Variants in SLC13A1 observed in about 807,000 individuals in gnomAD.
The protein encoded by SLC13A1 is solute carrier family 13 member 1.
A neutral mutation model predicts 70.0 loss-of-function variants in SLC13A1; 65 were observed. That is an observed-to-expected ratio of 0.93 (90% CI 0.76 to 1.14). The LOEUF (loss-of-function observed/expected upper bound fraction) is 1.14, where lower values mean the gene tolerates loss of function less well. SLC13A1 is among the 50% of genes most tolerant of loss of function. The probability of loss-of-function intolerance (pLI) is 0.00; values close to 1 mark genes in which losing one functional copy is unlikely to be tolerated. For missense variants in SLC13A1, 726 were observed against 717.8 expected, an observed-to-expected ratio of 1.01 and a Z score of -0.13; for synonymous variants, 275 against 250.5, an observed-to-expected ratio of 1.10 and a Z score of -0.92.
rs569940809 is a variant in SLC13A1 at position 123,120,235 on chromosome 7, G to GC, written c.1351-994dup. Among the ~76,000 whole-genome samples the GC allele has an allele frequency of 1.1e-4, 17 of 152,082 alleles. No homozygotes were observed. The East Asian group carries it at 3.3e-3, about 29-fold the overall frequency. ...GAATCATTTTTTAATCTACTCTTTT[G>GC]CATTGGGGGAGCACTTCCTTCTATA... On this transcript the variant is annotated intron_variant, in intron 12 of 14. Coordinates refer to ENST00000194130, the MANE Select transcript of SLC13A1 (RefSeq NM_022444.4).
rs1212111996 is a variant in SLC13A1, at chr7:123,182,380, G to T, written c.100-1279C>A. Reference sequence around the variant, plus strand: ...GAACCTAGGTTGCAGAGATAAAATGGACCACTTTTAATCTTGCTCTCTAGT... The same window carrying T: ...GAACCTAGGTTGCAGAGATAAAATGTACCACTTTTAATCTTGCTCTCTAGT... On this transcript the variant is annotated intron_variant, in intron 1 of 14. Coordinates refer to ENST00000194130, the MANE Select transcript of SLC13A1 (RefSeq NM_022444.4). Among the ~76,000 whole-genome samples the T allele has an allele frequency of 2.0e-5, 3 of 152,016 alleles. No individual in the cohort carries two copies. The East Asian group carries it at 5.8e-4, about 29-fold the overall frequency.
At chr7:123,175,929 T>C (rs190069616) in intron 2 of SLC13A1, among the ~76,000 whole-genome samples, 1 of 152,338 alleles carries the variant, frequency 6.6e-6, no homozygotes, top group East Asian at 1.9e-4. Flanking sequence ...AGTTAGCATA[T>C]TGTAGAGGGC....
chr7:123,148,732 C>T (rs1794451717), intron 6 of SLC13A1, among the ~76,000 whole-genome samples: 1 of 152,100 alleles, frequency 6.6e-6, no homozygotes, highest in Non-Finnish European at 1.5e-5. Context: ...TAAGCATTCT[C>T]TTATCCCCTA....
chr7:123,139,805 T>A (rs2116371229), intron 7 of SLC13A1, among the ~76,000 whole-genome samples: 1 of 152,178 alleles, frequency 6.6e-6, no homozygotes, highest in Non-Finnish European at 1.5e-5. Context: ...GTTCTAACAG[T>A]TTTTTGGTGG....
At chr7:123,122,046 G>T (rs1793398438) in intron 12 of SLC13A1, among the ~76,000 whole-genome samples, 2 of 152,050 alleles carry the variant, frequency 1.3e-5, no homozygotes, top group African/African-American at 4.8e-5. Flanking sequence ...AGAGAACCTT[G>T]TGCATCAGGC....
At chr7:123,170,846 TG>T (rs1464874761) in intron 3 of SLC13A1, among the ~76,000 whole-genome samples, 4 of 152,054 alleles carry the variant, frequency 2.6e-5, no homozygotes, top group Admixed American at 2.6e-4. Context: ...CCTAAAGTGC[TG>T]GGACTACAGG....
intron 4 of SLC13A1, 37 bp from the exon 5 acceptor site, chr7:123,168,598 A>G: frequency 6.7e-7 from 1 of 1,493,534 alleles, no homozygotes; most frequent in Non-Finnish European, 9.3e-7. Flanking sequence ...CAATTTAAAT[A>G]AGGGATTATC....
At chr7:123,122,228 G>A (rs752206015) in intron 12 of SLC13A1, among the ~76,000 whole-genome samples, 1 of 152,142 alleles carries the variant, frequency 6.6e-6, no homozygotes, top group Non-Finnish European at 1.5e-5. Context: ...AAGAAGAGAA[G>A]AGACAGTGAT....
At chr7:123,181,244 C>A in intron 1 of SLC13A1, 143 bp from the exon 2 acceptor site, 1 of 739,382 alleles carries the variant, frequency 1.4e-6, no homozygotes. Flanking sequence ...GAGTTGCCCT[C>A]AAATACTCAT....
At chr7:123,116,788 C>T (rs1232255454) in intron 14 of SLC13A1, among the ~76,000 whole-genome samples, 1 of 152,102 alleles carries the variant, frequency 6.6e-6, no homozygotes, top group Non-Finnish European at 1.5e-5. Context: ...GCATAGGAAG[C>T]TCACTAAATT....
Position 123,180,835 on chromosome 7 carries a change from G to A in SLC13A1, c.228+138C>T, listed in dbSNP as rs28364183. Reference sequence around the variant, plus strand: ...GACACACATGCAGAATGCCAGAGAGGAGAAACAGTTGGAAGTTTGGGGGAC... The same window carrying A: ...GACACACATGCAGAATGCCAGAGAGAAGAAACAGTTGGAAGTTTGGGGGAC... On this transcript the variant is annotated intron_variant, in intron 2 of 14. Transcript: ENST00000194130. 1,152 of 803,528 alleles carry A rather than the reference G, an allele frequency of 1.4e-3. 15 individuals are homozygous for A. The Admixed American group carries it at 0.015, about 10-fold the overall frequency. The allele number at this position is 803,528 out of a possible 1,614,324, so 49.8% of individuals were successfully genotyped here.
At chr7:123,149,627 A>T (rs758240346) in intron 6 of SLC13A1, 2 of 456,514 alleles carry the variant, frequency 4.4e-6, no homozygotes. Context: ...AGTACTGTGG[A>T]AATGAAATGC....
At chr7:123,180,327 T>C (rs559590957) in intron 2 of SLC13A1, among the ~76,000 whole-genome samples, 2 of 152,290 alleles carry the variant, frequency 1.3e-5, no homozygotes, top group East Asian at 3.9e-4. Context: ...TAAATTGCAC[T>C]GACTGGTATC....
chr7:123,199,750 T>C (rs1796293072), intron 1 of SLC13A1, 98 bp downstream of exon 1: 44 of 850,732 alleles, frequency 5.2e-5, no homozygotes, highest in Non-Finnish European at 7.7e-5. Flanking sequence ...TCAACATTCA[T>C]TCAGCTCTGA....
chr7:123,180,386 T>G lies in SLC13A1; in HGVS notation c.228+587A>C, dbSNP rs186439507. Among the ~76,000 whole-genome samples, 711 of 152,194 alleles carry G rather than the reference T, an allele frequency of 4.7e-3. 5 individuals carry two copies. Among genetic ancestry groups the G allele is most frequent in the African/African-American group, 0.016 (667 of 41,536 alleles). On this transcript the variant is annotated intron_variant, in intron 2 of 14. Transcript: ENST00000194130. ...ATTGTTTCAGCTGTGGTTTAGACAG[T>G]TGTTCACTGGGTGGCTGGAGACTGG...
chr7:123,143,773 C>G (rs931744186), intron 7 of SLC13A1, among the ~76,000 whole-genome samples: 124 of 152,264 alleles, frequency 8.1e-4, no homozygotes, highest in African/African-American at 2.7e-3. Context: ...GCACGGGGTA[C>G]TATCCATGGA....
intron 2 of SLC13A1, among the ~76,000 whole-genome samples, chr7:123,180,046 G>T (rs551329249): frequency 1.3e-5 from 2 of 152,188 alleles, no homozygotes; most frequent in East Asian, 3.9e-4. Context: ...GCCCTGGCCA[G>T]TCTTCCAAAT....
At chr7:123,199,365 C>A (rs945523984) in intron 1 of SLC13A1, among the ~76,000 whole-genome samples, 1 of 152,058 alleles carries the variant, frequency 6.6e-6, no homozygotes, top group Non-Finnish European at 1.5e-5. Flanking sequence ...TCTTTTCCTA[C>A]AAGGGAACTA....
chr7:123,191,791 G>A (rs1283002363), intron 1 of SLC13A1, among the ~76,000 whole-genome samples: 1 of 152,128 alleles, frequency 6.6e-6, no homozygotes, highest in African/African-American at 2.4e-5. Flanking sequence ...CACACTGCTA[G>A]CGTGTGGTAG....
Sources: allele counts gnomAD v4.1 joint callset (sites outside exome capture counted in the v4.1 genomes callset), GRCh38; gene constraint gnomAD v4.1.1; transcripts MANE v1.5; gene names NCBI Gene and HGNC (gene_info 2026-07-23, HGNC 2026-07-21).